The following RSF1 variants were observed in gnomAD, a reference collection of about 807,000 sequenced individuals.
RSF1 encodes HBV pX-associated protein 8.
In RSF1, 13 loss-of-function variants were observed where a neutral mutation model predicts 145.2. That is an observed-to-expected ratio of 0.09 (90% CI 0.06 to 0.14). RSF1 has a LOEUF of 0.14. RSF1 is among the 10% of genes least tolerant of loss of function. The pLI, the probability that RSF1 is intolerant of heterozygous loss-of-function variation, is 1.00. For missense variants in RSF1, 1,517 were observed against 1,718.2 expected (o/e 0.88, Z 2.07); for synonymous variants, 577 against 592.6 (o/e 0.97, Z 0.38).
At chr11:77,818,641 C>G (rs1454352381) in intron 1 of RSF1, among the ~76,000 whole-genome samples, 2 of 151,808 alleles carry the variant, frequency 1.3e-5, no homozygotes, top group Non-Finnish European at 2.9e-5. Flanking sequence ...TAGCCGGGCT[C>G]GGTGGTGCAC....
rs773665822 is a variant in RSF1, at chr11:77,701,268, C to T, written c.1961G>A (p.Ser654Asn). 2.5e-6 allele frequency: 4 copies of T among 1,613,982 alleles called. No homozygotes were observed. The highest frequency in any genetic ancestry group is 3.4e-6 in the Non-Finnish European group (4 of 1,180,004). ...EKEVVECQSTSTVGGQSVKKV... is the reference protein window; with the variant it reads ...EKEVVECQSTNTVGGQSVKKV... The stretch of plus-strand genomic sequence containing the variant: ...TTTCACAGACTGGCCACCAACAGTA[C>T]TTGTACTCTGGCATTCTACCACTTC... Residue 654 changes from serine (S) to asparagine (N), a missense_variant, in exon 6 of 16, where the codon AGT (serine) becomes AAT (asparagine). By Grantham distance (46) the Ser-to-Asn change is conservative. Coordinates refer to ENST00000308488, the MANE Select transcript of RSF1 (RefSeq NM_016578.4).
At chr11:77,785,794 C>T (rs1268830983) in intron 1 of RSF1, among the ~76,000 whole-genome samples, 3 of 149,656 alleles carry the variant, frequency 2.0e-5, no homozygotes, top group Admixed American at 6.7e-5. Context: ...GGCATGGCGG[C>T]GGGCACCTGT....
the RSF1 span, among the ~76,000 whole-genome samples, chr11:77,834,796 G>T: frequency 2.6e-5 from 4 of 152,260 alleles, no homozygotes; most frequent in African/African-American, 4.8e-5. Flanking sequence ...CTAGTATCAA[G>T]ATAAGGAGGT....
chr11:77,670,140 C>T (rs1344964271), intron 15 of RSF1, among the ~76,000 whole-genome samples: 1 of 152,082 alleles, frequency 6.6e-6, no homozygotes, highest in Non-Finnish European at 1.5e-5. Flanking sequence ...AAAAACCTTG[C>T]TTTTTTATTT....
chr11:77,821,321 A>G (rs756265333), upstream of RSF1: 4 of 159,110 alleles, frequency 2.5e-5, no homozygotes, highest in Non-Finnish European at 5.5e-5. Context: ...GAAAAAGGGA[A>G]TAGGGCGGGG....
chr11:77,859,596 G>A, the RSF1 span, among the ~76,000 whole-genome samples: 1 of 152,178 alleles, frequency 6.6e-6, no homozygotes, highest in Admixed American at 6.5e-5. Flanking sequence ...AGTTCCTGGA[G>A]TGAGGGGATT....
intron 4 of RSF1, among the ~76,000 whole-genome samples, chr11:77,737,530 A>T (rs1257693892): frequency 6.6e-6 from 1 of 151,952 alleles, no homozygotes. Flanking sequence ...AATCTACACA[A>T]GCATTTCCTT....
At chr11:77,845,328 G>C in the RSF1 span, among the ~76,000 whole-genome samples, 1 of 151,650 alleles carries the variant, frequency 6.6e-6, no homozygotes, top group Non-Finnish European at 1.5e-5. Context: ...AATCTCAATT[G>C]ACCTATTTTC....
intron 5 of RSF1, among the ~76,000 whole-genome samples, chr11:77,724,196 T>A (rs1466198892): frequency 6.6e-6 from 1 of 152,142 alleles, no homozygotes; most frequent in Non-Finnish European, 1.5e-5. Flanking sequence ...ATAATTACAA[T>A]GAGATGCTGT....
intron 6 of RSF1, among the ~76,000 whole-genome samples, chr11:77,699,946 A>G (rs1450370541): frequency 1.3e-5 from 2 of 152,220 alleles, no homozygotes; most frequent in East Asian, 1.9e-4. Flanking sequence ...ATCTACGGAC[A>G]TGAAGAGTTC....
the RSF1 span, among the ~76,000 whole-genome samples, chr11:77,858,550 G>A: frequency 1.1e-4 from 16 of 152,050 alleles, no homozygotes; most frequent in Admixed American, 1.0e-3. Flanking sequence ...GTTTAAAGGT[G>A]GATGTGGTCA....
chr11:77,760,250 A>C (rs1396101036), intron 2 of RSF1, among the ~76,000 whole-genome samples: 1 of 152,244 alleles, frequency 6.6e-6, no homozygotes, highest in African/African-American at 2.4e-5. Flanking sequence ...TTTGGCAATA[A>C]AAAGGAATGA....
intron 11 of RSF1, among the ~76,000 whole-genome samples, chr11:77,679,501 T>C (rs1021124845): frequency 2.0e-5 from 3 of 152,042 alleles, no homozygotes; most frequent in South Asian, 2.1e-4. Context: ...GGTGAACCCC[T>C]GTCTCTATAA....
intron 6 of RSF1, among the ~76,000 whole-genome samples, chr11:77,700,055 T>C (rs895967264): frequency 3.3e-5 from 5 of 151,908 alleles, no homozygotes; most frequent in African/African-American, 4.8e-5. Context: ...CATAAATGCA[T>C]GAAAAAGGAC....
At chr11:77,792,936 T>C (rs377115542) in intron 1 of RSF1, among the ~76,000 whole-genome samples, 6 of 151,994 alleles carry the variant, frequency 3.9e-5, no homozygotes, top group African/African-American at 1.5e-4. Flanking sequence ...TTTACCATTG[T>C]GAAAACACAC....
chr11:77,688,626 G>A (rs1044106723), intron 9 of RSF1, among the ~76,000 whole-genome samples: 6 of 152,074 alleles, frequency 3.9e-5, no homozygotes, highest in African/African-American at 1.4e-4. Context: ...GTAGTTTATG[G>A]AAATAACCCA....
chr11:77,860,947 G>C, the RSF1 span, among the ~76,000 whole-genome samples: 1 of 152,100 alleles, frequency 6.6e-6, no homozygotes, highest in Non-Finnish European at 1.5e-5. Flanking sequence ...TAAAATTGGA[G>C]TATTGCAGGG....
At chr11:77,755,264 T>C (rs1164201002) in intron 2 of RSF1, among the ~76,000 whole-genome samples, 1 of 152,062 alleles carries the variant, frequency 6.6e-6, no homozygotes, top group Non-Finnish European at 1.5e-5. Context: ...ATGAGGGTAG[T>C]GGGGATCAGA....
At chr11:77,777,049 C>A (rs1187471546) in intron 1 of RSF1, among the ~76,000 whole-genome samples, 1 of 152,050 alleles carries the variant, frequency 6.6e-6, no homozygotes, top group Non-Finnish European at 1.5e-5. Flanking sequence ...TACAATAAAA[C>A]CTCATGACCT....
Sources: allele counts gnomAD v4.1 joint callset (sites outside exome capture counted in the v4.1 genomes callset), GRCh38; gene constraint gnomAD v4.1.1; transcripts MANE v1.5; gene names NCBI Gene and HGNC (gene_info 2026-07-23, HGNC 2026-07-21).